SUN1: variants seen among roughly 807,000 people sequenced by gnomAD.
The protein encoded by SUN1 is SUN domain-containing protein 1.
In SUN1, 61 loss-of-function variants were observed where a neutral mutation model predicts 103.2. That is an observed-to-expected ratio of 0.59 (90% CI 0.48 to 0.73). The LOEUF is 0.73. Among genes scored for constraint, SUN1 ranks in the 30% least tolerant of loss-of-function variants. SUN1 has a pLI of 0.00. For missense variants in SUN1, 1,052 were observed against 1,034.6 expected, an observed-to-expected ratio of 1.02 and a Z score of -0.23; for synonymous variants, 490 against 425.7, an observed-to-expected ratio of 1.15 and a Z score of -1.86.
intron 1 of SUN1, among the ~76,000 whole-genome samples, chr7:837,326 G>GGC (rs1488552562): frequency 1.3e-5 from 2 of 152,236 alleles, no homozygotes; most frequent in Non-Finnish European, 2.9e-5. Flanking sequence ...CACGTGGACT[G>GGC]TGCCGCTTTT....
rs181862241 is a variant in SUN1 at position 861,543 on chromosome 7, A to G, written c.1864+79A>G. The G allele has an allele frequency of 9.9e-6, 14 of 1,418,880 alleles. 1 individual carries two copies. Among genetic ancestry groups the G allele is most frequent in the Admixed American group, 5.1e-5 (3 of 59,240 alleles). The allele number at this position is 1,418,880 out of a possible 1,614,324, so 87.9% of individuals were successfully genotyped here. A position where few individuals can be genotyped will look rare whatever the true frequency, so the allele number is the denominator to read the frequency against. On this transcript the variant is annotated intron_variant, in intron 15 of 18. Transcript: ENST00000401592. ...GTGTGCACTTGAGAGGCTGTTGCCT[A>G]CCCCACTTCCAGCAGTAAGGACTCC...
chr7:816,243 TCCCTCCCCCAGATGCGGGC>T, upstream of SUN1: 2 of 23,712 alleles, frequency 8.4e-5, no homozygotes, highest in South Asian at 3.4e-4. Flanking sequence ...CAGGTGCAGA[TCCCTCCCCCAGATGCGGGC>T]CCCTCCCCCA....
intron 2 of SUN1, among the ~76,000 whole-genome samples, chr7:841,266 C>T (rs1159688224): frequency 2.4e-5 from 3 of 123,330 alleles, no homozygotes; most frequent in Non-Finnish European, 3.4e-5. Context: ...TTTTTTGAGC[C>T]GGAGTCTGGC....
intron 14 of SUN1, 39 bp from the exon 15 acceptor site, chr7:861,341 G>C: frequency 6.2e-7 from 1 of 1,610,444 alleles, no homozygotes; most frequent in South Asian, 1.1e-5. Context: ...CTCCTCTCCT[G>C]TTCTGGTGTT....
At chr7:867,974 C>T (rs1404783590) in intron 16 of SUN1, among the ~76,000 whole-genome samples, 1 of 152,228 alleles carries the variant, frequency 6.6e-6, no homozygotes, top group Non-Finnish European at 1.5e-5. Flanking sequence ...CACCCAGCAC[C>T]CTGAGCTGGC....
At chr7:866,816 C>T (rs1160705082) in intron 16 of SUN1, among the ~76,000 whole-genome samples, 5 of 145,274 alleles carry the variant, frequency 3.4e-5, no homozygotes, top group Admixed American at 3.4e-4. Flanking sequence ...CAGTCCCCGT[C>T]TCCTGGACCT....
At chr7:857,047 C>T (rs1043732704) in intron 12 of SUN1, among the ~76,000 whole-genome samples, 1 of 152,216 alleles carries the variant, frequency 6.6e-6, no homozygotes, top group African/African-American at 2.4e-5. Flanking sequence ...CACTGATTTG[C>T]CAAGTCCCCT....
chr7:871,491 G>A (rs1841644236), intron 17 of SUN1, among the ~76,000 whole-genome samples: 2 of 152,170 alleles, frequency 1.3e-5, no homozygotes, highest in Non-Finnish European at 1.5e-5. Flanking sequence ...GGGTTCAAGC[G>A]ATTCTCCTGC....
chr7:873,245 G>C lies in SUN1; in HGVS notation c.2272G>C (p.Val758Leu). Residue 758 changes from valine (V) to leucine (L), a missense_variant, in exon 19 of 19, where the codon GTG (valine) becomes CTG (leucine). This residue lies in a region of SUN1 where 206 missense variants were observed against 260.1 expected (regional missense o/e 0.79). Coordinates refer to ENST00000401592, the MANE Select transcript of SUN1 (RefSeq NM_001130965.3). Reference protein sequence around the residue: ...KRPDDTAFQIVELRIFSNWGH... With the variant: ...KRPDDTAFQILELRIFSNWGH... ...ACCCGACGACACAGCTTTCCAAATAGTGGAACTTCGGATTTTTTCTAACTG... is the reference window on the plus strand; with the variant it reads ...ACCCGACGACACAGCTTTCCAAATACTGGAACTTCGGATTTTTTCTAACTG... The C allele has an allele frequency of 6.2e-7, 1 of 1,614,248 alleles. No individual in the cohort carries two copies. The highest frequency in any genetic ancestry group is 8.5e-7 in the Non-Finnish European group (1 of 1,180,050).
intron 5 of SUN1, among the ~76,000 whole-genome samples, chr7:845,137 C>G (rs1051657569): frequency 6.6e-6 from 1 of 152,170 alleles, no homozygotes; most frequent in Admixed American, 6.5e-5. Flanking sequence ...GAAGGTCTCC[C>G]TACGCGTGTT....
At chr7:820,302 AT>A (rs1266080628) in intron 1 of SUN1, among the ~76,000 whole-genome samples, 1 of 152,192 alleles carries the variant, frequency 6.6e-6, no homozygotes, top group Non-Finnish European at 1.5e-5. Context: ...CCTTGGTTAA[AT>A]TTATTCCTAA....
At chr7:818,459 T>C (rs1170236558) in intron 1 of SUN1, among the ~76,000 whole-genome samples, 1 of 152,224 alleles carries the variant, frequency 6.6e-6, no homozygotes, top group Non-Finnish European at 1.5e-5. Context: ...ACTTGGGCTG[T>C]TTGCACCTGT....
At chr7:869,893 T>A (rs1840163687) in intron 17 of SUN1, among the ~76,000 whole-genome samples, 1 of 152,134 alleles carries the variant, frequency 6.6e-6, no homozygotes, top group Admixed American at 6.5e-5. Context: ...CTGTGGTATT[T>A]TCTGGTTTCT....
chr7:853,771 G>GA (rs1258878531), intron 10 of SUN1, among the ~76,000 whole-genome samples, 153 bp downstream of exon 10: 3 of 152,346 alleles, frequency 2.0e-5, no homozygotes, highest in African/African-American at 7.2e-5. Context: ...CAGTGTGCCG[G>GA]AGAGGGAGTG....
In SUN1 at chr7:841,928, G is replaced by T. The variant is rs1562610920; in HGVS notation, c.267-18G>T. ...GCTAGAAAAGATCTATAAACTTGCT[G>T]TTTTTTTTTCTTCTTAGAACAACAA... is the stretch of plus-strand genomic sequence containing the variant. On this transcript the variant is annotated intron_variant, in intron 2 of 18. Transcript: ENST00000401592. The T allele has an allele frequency of 1.9e-6, 3 of 1,572,306 alleles. No individual in the cohort carries two copies. The highest frequency in any genetic ancestry group is 2.3e-5 in the East Asian group (1 of 43,758).
At chr7:859,795 A>T (rs1303907004) in intron 13 of SUN1, among the ~76,000 whole-genome samples, 2 of 152,184 alleles carry the variant, frequency 1.3e-5, no homozygotes, top group African/African-American at 4.8e-5. Flanking sequence ...GGCCTCTCCG[A>T]TGCACCTGTG....
intron 1 of SUN1, among the ~76,000 whole-genome samples, chr7:823,948 A>G (rs142702412): frequency 1.3e-5 from 2 of 152,348 alleles, no homozygotes; most frequent in African/African-American, 2.4e-5. Context: ...TACATGAATT[A>G]TTAATGGCTT....
Position 873,396 on chromosome 7 carries a change from T to G in SUN1, c.*65T>G. 7.1e-7 allele frequency: 1 copy of G among 1,405,064 alleles called. No homozygotes were observed. The allele number at this position is 1,405,064 out of a possible 1,614,324, so 87.0% of individuals were successfully genotyped here. On this transcript the variant is annotated 3_prime_UTR_variant, in exon 19 of 19. Coordinates refer to ENST00000401592, the MANE Select transcript of SUN1 (RefSeq NM_001130965.3). The stretch of plus-strand genomic sequence containing the variant: ...GGGACAGCGTGAAACACTGGAATCC[T>G]TCATGGACGAGGGCATATACAATGA...
At chr7:840,630 C>G (rs1808574254) in intron 2 of SUN1, among the ~76,000 whole-genome samples, 1 of 142,080 alleles carries the variant, frequency 7.0e-6, no homozygotes, top group South Asian at 2.2e-4. Flanking sequence ...TATTTTTTGA[C>G]CATCTATTCT....
Sources: gnomAD v4.1 joint callset for allele counts (sites outside exome capture counted in the v4.1 genomes callset) on GRCh38, gnomAD v4.1.1 for gene constraint, gnomAD v4.1.1 regional missense constraint, MANE v1.5 for transcripts, NCBI Gene and HGNC (gene_info 2026-07-23, HGNC 2026-07-21) for gene names.